BTBD9: variants seen among roughly 807,000 people sequenced by gnomAD.
The protein encoded by BTBD9 is BTB/POZ domain-containing protein 9.
Under a neutral mutation model 64.3 loss-of-function variants are expected in BTBD9, and 49 were observed. That is an observed-to-expected ratio of 0.76 (90% CI 0.61 to 0.97). BTBD9 has a LOEUF of 0.97. Ranked by LOEUF, BTBD9 falls within the 50% of genes least tolerant of loss-of-function variation. BTBD9 has a pLI of 0.00. For synonymous variants in BTBD9, 260 were observed against 274.7 expected, an observed-to-expected ratio of 0.95 and a Z score of 0.53; for missense variants, 598 against 762.1, an observed-to-expected ratio of 0.78 and a Z score of 2.53.
At chr6:38,510,219 C>G (rs1232273864) in intron 6 of BTBD9, among the ~76,000 whole-genome samples, 1 of 152,210 alleles carries the variant, frequency 6.6e-6, no homozygotes, top group Non-Finnish European at 1.5e-5. Flanking sequence ...CCATAGCCTA[C>G]TATACACCAA....
At chr6:38,406,778 G>A (rs537383970) in intron 6 of BTBD9, among the ~76,000 whole-genome samples, 2 of 152,308 alleles carry the variant, frequency 1.3e-5, no homozygotes, top group South Asian at 2.1e-4. Context: ...CCAGGCTGGA[G>A]TGCAGTGCCT....
intron 9 of BTBD9, among the ~76,000 whole-genome samples, chr6:38,200,152 G>A (rs773719985): frequency 4.6e-5 from 7 of 152,178 alleles, no homozygotes; most frequent in Middle Eastern, 3.2e-3. Flanking sequence ...TGAGCACCAC[G>A]GGCATTTCCC....
chr6:38,498,144 T>C (rs772731623), intron 6 of BTBD9, among the ~76,000 whole-genome samples: 1 of 152,182 alleles, frequency 6.6e-6, no homozygotes, highest in Non-Finnish European at 1.5e-5. Flanking sequence ...AATCTGATCA[T>C]TTACAAAAGT....
At chr6:38,335,752 G>T (rs766406812) in intron 7 of BTBD9, among the ~76,000 whole-genome samples, 35 of 151,584 alleles carry the variant, frequency 2.3e-4, no homozygotes, top group Non-Finnish European at 3.8e-4. Flanking sequence ...TTATTTTTTT[G>T]AGATGGAGTC....
intron 4 of BTBD9, among the ~76,000 whole-genome samples, chr6:38,589,610 C>G (rs1776702865): frequency 2.0e-5 from 3 of 152,194 alleles, no homozygotes; most frequent in Admixed American, 2.0e-4. Context: ...CCTGATCTCT[C>G]TAGCTACCAT....
chr6:38,417,924 G>C (rs187847795), intron 6 of BTBD9, among the ~76,000 whole-genome samples: 1 of 152,250 alleles, frequency 6.6e-6, no homozygotes, highest in Admixed American at 6.5e-5. Context: ...AATCATCACA[G>C]CTAACTTTTT....
chr6:38,534,502 G>A (rs987765712), intron 6 of BTBD9, among the ~76,000 whole-genome samples: 11 of 148,970 alleles, frequency 7.4e-5, no homozygotes, highest in Non-Finnish European at 1.5e-4. Context: ...TAGAGGAGGA[G>A]GGAATACTTC....
intron 8 of BTBD9, among the ~76,000 whole-genome samples, chr6:38,277,061 A>G (rs527276296): frequency 2.4e-4 from 37 of 152,214 alleles, no homozygotes; most frequent in Non-Finnish European, 4.4e-4. Context: ...GTAAAACGAA[A>G]CCAAATAAAA....
At chr6:38,301,219 C>T (rs1421181859) in intron 7 of BTBD9, among the ~76,000 whole-genome samples, 2 of 152,164 alleles carry the variant, frequency 1.3e-5, no homozygotes, top group Non-Finnish European at 2.9e-5. Context: ...CCCACTTGAT[C>T]ATGGTAGATA....
chr6:38,487,388 T>C (rs1771492332), intron 6 of BTBD9, among the ~76,000 whole-genome samples: 1 of 152,042 alleles, frequency 6.6e-6, no homozygotes, highest in African/African-American at 2.4e-5. Context: ...CAAGACAAGC[T>C]TGAGCAATGT....
chr6:38,236,042 G>C (rs1763767205), intron 9 of BTBD9, among the ~76,000 whole-genome samples: 1 of 152,148 alleles, frequency 6.6e-6, no homozygotes, highest in African/African-American at 2.4e-5. Flanking sequence ...GGGAAACTGA[G>C]ACTCTGGATC....
In BTBD9 at chr6:38,594,212, T is replaced by C. The variant is rs931971894; in HGVS notation, c.301A>G (p.Thr101Ala). 6.2e-7 allele frequency: 1 copy of C among 1,614,106 alleles called. No individual in the cohort carries two copies. Among genetic ancestry groups the C allele is most frequent in the African/African-American group, 1.3e-5 (1 of 74,932 alleles). ...ACCTCCTCCTTCTCATCTGTCAGCG[T>C]TGCCCGCCCAGTGTAGATATATTTG... ...LLKYIYTGRA[T>A]LTDEKEEVLL... The change falls in exon 3 of 11, where the codon ACG becomes GCG. Residue 101 changes from threonine (T) to alanine (A), a missense_variant. By Grantham distance (58) the Thr-to-Ala change is moderately conservative (BLOSUM62 0). Transcript: ENST00000481247.
At chr6:38,363,768 A>G (rs1765073173) in intron 6 of BTBD9, among the ~76,000 whole-genome samples, 1 of 152,244 alleles carries the variant, frequency 6.6e-6, no homozygotes, top group African/African-American at 2.4e-5. Flanking sequence ...AGTAATGGGA[A>G]GAAATTAAGA....
intron 6 of BTBD9, among the ~76,000 whole-genome samples, chr6:38,443,602 A>G (rs1769139881): frequency 6.6e-6 from 1 of 152,182 alleles, no homozygotes; most frequent in Non-Finnish European, 1.5e-5. Context: ...CAAGCCAGAA[A>G]TCAGGAAGTT....
intron 8 of BTBD9, among the ~76,000 whole-genome samples, chr6:38,259,002 T>C (rs1026441268): frequency 2.6e-5 from 4 of 152,268 alleles, no homozygotes; most frequent in African/African-American, 9.6e-5. Flanking sequence ...ATTCGTCTTA[T>C]TAAAATCCTT....
At chr6:38,407,828 G>T (rs1225874068) in intron 6 of BTBD9, among the ~76,000 whole-genome samples, 1 of 152,158 alleles carries the variant, frequency 6.6e-6, no homozygotes, top group African/African-American at 2.4e-5. Context: ...GATTCAATTA[G>T]AAGACTAACA....
chr6:38,302,062 T>G (rs1453748119), intron 7 of BTBD9, among the ~76,000 whole-genome samples: 2 of 152,208 alleles, frequency 1.3e-5, no homozygotes, highest in African/African-American at 4.8e-5. Context: ...GTGTATACAC[T>G]GTGTAAAAAT....
chr6:38,632,727 T>C (rs1247211571), intron 1 of BTBD9, among the ~76,000 whole-genome samples: 1 of 149,874 alleles, frequency 6.7e-6, no homozygotes, highest in East Asian at 2.0e-4. Context: ...AGCCCAGGAG[T>C]TCAAGAACAG....
intron 6 of BTBD9, among the ~76,000 whole-genome samples, chr6:38,545,184 C>T (rs547844558): frequency 1.4e-4 from 22 of 151,874 alleles, no homozygotes; most frequent in African/African-American, 3.9e-4. Flanking sequence ...CTCCGCCTCC[C>T]GGGTTCAAGC....
Sources: gnomAD v4.1 joint callset for allele counts (sites outside exome capture counted in the v4.1 genomes callset) on GRCh38, gnomAD v4.1.1 for gene constraint, MANE v1.5 for transcripts, NCBI Gene and HGNC (gene_info 2026-07-23, HGNC 2026-07-21) for gene names.